The following THAP5 variants were observed in gnomAD, a reference collection of about 807,000 sequenced individuals.
THAP5 encodes the protein THAP domain-containing protein 5.
Under a neutral mutation model 34.0 loss-of-function variants are expected in THAP5, and 26 were observed. The observed-to-expected ratio is 0.77, with a 90% CI of 0.56 to 1.06. The LOEUF is 1.06. THAP5 is among the 50% of genes least tolerant of loss of function. THAP5 has a pLI of 0.00. For missense variants in THAP5, 394 were observed against 452.8 expected (o/e 0.87, Z 1.18); for synonymous variants, 125 against 153.0 (o/e 0.82, Z 1.35).
the THAP5 span, among the ~76,000 whole-genome samples, chr7:108,545,325 A>T: frequency 1.1e-4 from 16 of 152,352 alleles, no homozygotes; most frequent in Admixed American, 8.5e-4. Flanking sequence ...TAGTTCCCAG[A>T]ACAATTGTAA....
chr7:108,548,501 T>G, the THAP5 span, among the ~76,000 whole-genome samples: 173 of 152,294 alleles, frequency 1.1e-3, no homozygotes, highest in Non-Finnish European at 1.4e-3. Flanking sequence ...GCTTTCTAGA[T>G]AAAATAACGA....
At chr7:108,556,808 TG>T (rs1193956100) in intron 1 of THAP5, among the ~76,000 whole-genome samples, 1 of 152,262 alleles carries the variant, frequency 6.6e-6, no homozygotes, top group Non-Finnish European at 1.5e-5. Flanking sequence ...GTAGGGACTC[TG>T]TGTGGGGGCT....
At chr7:108,560,839 G>T (rs1222665209), downstream of THAP5, among the ~76,000 whole-genome samples, 1 of 152,098 alleles carries the variant, frequency 6.6e-6, no homozygotes. Context: ...CTAGGCTCAA[G>T]AGATCCTCCC....
rs1423074325 is a variant in THAP5 at position 108,563,102 on chromosome 7, T to C, written c.*1089A>G. 3 of 152,162 alleles carry C rather than the reference T, an allele frequency of 2.0e-5. No homozygotes were observed. Among genetic ancestry groups the C allele is most frequent in the African/African-American group, 7.2e-5 (3 of 41,420 alleles). The allele number at this position is 152,162 out of a possible 1,614,324, so 9.4% of individuals were successfully genotyped here. A position where few individuals can be genotyped will look rare whatever the true frequency, so the allele number is the denominator to read the frequency against. On this transcript the variant is annotated 3_prime_UTR_variant, in exon 3 of 3. Coordinates refer to ENST00000415914, the MANE Select transcript of THAP5 (RefSeq NM_001130475.3). ...AGTTTAACTGTATAAATACAGAAAG[T>C]TTAGCTTAGATGACTATGTATTTGA...
the THAP5 span, among the ~76,000 whole-genome samples, chr7:108,547,116 A>G: frequency 6.6e-6 from 1 of 152,214 alleles, no homozygotes; most frequent in South Asian, 2.1e-4. Flanking sequence ...GACATTTCTT[A>G]TTTAATGACA....
At chr7:108,544,053 C>T in the THAP5 span, among the ~76,000 whole-genome samples, 5,339 of 152,146 alleles carry the variant, frequency 0.035, 307 homozygotes, top group African/African-American at 0.12. Flanking sequence ...AAAACTAACA[C>T]AAGATCAAAA....
At chr7:108,553,990 A>G (rs185717996), downstream of THAP5, among the ~76,000 whole-genome samples, 335 of 152,308 alleles carry the variant, frequency 2.2e-3, 2 homozygotes, top group Middle Eastern at 0.01. Flanking sequence ...ACAATCCCCA[A>G]TAAGGGCAGA....
At chr7:108,569,392 G>T in intron 1 of THAP5, 98 bp downstream of exon 1, 1 of 1,539,696 alleles carries the variant, frequency 6.5e-7, no homozygotes, top group South Asian at 1.2e-5. Context: ...GAGAGCTGAG[G>T]ACTCACTGGC....
chr7:108,552,503 T>C (rs1229308434), downstream of THAP5, among the ~76,000 whole-genome samples: 3 of 152,172 alleles, frequency 2.0e-5, no homozygotes, highest in Non-Finnish European at 2.9e-5. Context: ...TTTTACCTTT[T>C]AAAAGTATCT....
At position 108,569,619 on chromosome 7, in the gene THAP5, GC is replaced by G. The variant is rs1790569349; in HGVS notation, c.-51del. 1 of 1,545,872 alleles carries G rather than the reference GC, an allele frequency of 6.5e-7. No homozygotes were observed. ...CGGGGCCGGCGACGGATGCAGGGCG[GC>G]CCTCCTCACTGAGGATGCGCCACAG... On this transcript the variant is annotated 5_prime_UTR_variant, in exon 1 of 3. Transcript: ENST00000415914.
downstream of THAP5, among the ~76,000 whole-genome samples, chr7:108,551,553 G>A (rs1864353774): frequency 6.6e-6 from 1 of 152,180 alleles, no homozygotes; most frequent in Non-Finnish European, 1.5e-5. Flanking sequence ...TTCTGTTATA[G>A]CAGTAGAAAA....
chr7:108,542,780 T>C, the THAP5 span, among the ~76,000 whole-genome samples: 2 of 152,084 alleles, frequency 1.3e-5, no homozygotes, highest in Non-Finnish European at 2.9e-5. Flanking sequence ...TTCTGTTTCA[T>C]ATGGCATTGA....
intron 1 of THAP5, among the ~76,000 whole-genome samples, chr7:108,566,519 T>C (rs1790491335): frequency 6.6e-6 from 1 of 152,216 alleles, no homozygotes; most frequent in Non-Finnish European, 1.5e-5. Flanking sequence ...TAAGATGTTA[T>C]TTCAAACAAA....
chr7:108,544,401 GGCGC>G, the THAP5 span, among the ~76,000 whole-genome samples: 1 of 151,706 alleles, frequency 6.6e-6, no homozygotes, highest in Non-Finnish European at 1.5e-5. Flanking sequence ...CATGGTGGCA[GGCGC>G]CTGTAATCCC....
rs40944 is a variant in THAP5, at chr7:108,565,356, C to G, written c.274-251G>C. On this transcript the variant is annotated intron_variant, in intron 2 of 2. Coordinates refer to ENST00000415914, the MANE Select transcript of THAP5 (RefSeq NM_001130475.3). ...CCAAGGCAGGCAGATCAACTGAGGTCAGGAGTTCAAGACCAGCCTGGCTAA... is the reference window on the plus strand; with the variant it reads ...CCAAGGCAGGCAGATCAACTGAGGTGAGGAGTTCAAGACCAGCCTGGCTAA... 247 of 284,462 alleles carry G rather than the reference C, an allele frequency of 8.7e-4. 3 individuals carry two copies. Among genetic ancestry groups the G allele is most frequent in the African/African-American group, 5.1e-3 (234 of 45,654 alleles). The allele number at this position is 284,462 out of a possible 1,614,324, so 17.6% of individuals were successfully genotyped here. A position where few individuals can be genotyped will look rare whatever the true frequency, so the allele number is the denominator to read the frequency against.
chr7:108,569,661 G>A lies in THAP5; in HGVS notation c.-92C>T. On this transcript the variant is annotated 5_prime_UTR_variant, in exon 1 of 3. Coordinates refer to ENST00000415914, the MANE Select transcript of THAP5 (RefSeq NM_001130475.3). ...TGCGCCACAGGTCCAGGCCTCTCGA[G>A]CCCCTGCGCCTGCGCTAGCATTCTG... The A allele has an allele frequency of 2.0e-6, 3 of 1,471,016 alleles. No homozygotes were observed. The highest frequency in any genetic ancestry group is 2.8e-6 in the Non-Finnish European group (3 of 1,088,812). The allele number at this position is 1,471,016 out of a possible 1,614,324, so 91.1% of individuals were successfully genotyped here. A position where few individuals can be genotyped will look rare whatever the true frequency, so the allele number is the denominator to read the frequency against.
At position 108,569,685 on chromosome 7, in the gene THAP5, T is replaced by C. The variant is rs890082150; in HGVS notation, c.-116A>G. The C allele has an allele frequency of 1.4e-6, 2 of 1,382,964 alleles. No individual in the cohort carries two copies. Among genetic ancestry groups the C allele is most frequent in the South Asian group, 1.3e-5 (1 of 79,370 alleles). The allele number at this position is 1,382,964 out of a possible 1,614,324, so 85.7% of individuals were successfully genotyped here. ...AGCCCCTGCGCCTGCGCTAGCATTC[T>C]GCCGGGAAAGCCGCCTCGTCTGTCG... On this transcript the variant is annotated 5_prime_UTR_variant, in exon 1 of 3. Coordinates refer to ENST00000415914, the MANE Select transcript of THAP5 (RefSeq NM_001130475.3).
chr7:108,544,233 A>G, the THAP5 span, among the ~76,000 whole-genome samples: 1 of 152,166 alleles, frequency 6.6e-6, no homozygotes, highest in Non-Finnish European at 1.5e-5. Context: ...TTCTAAATAA[A>G]GAAGGACATT....
chr7:108,568,827 GCC>G (rs1403335670), intron 1 of THAP5, among the ~76,000 whole-genome samples: 1 of 152,162 alleles, frequency 6.6e-6, no homozygotes, highest in Non-Finnish European at 1.5e-5. Flanking sequence ...TAGCATTGAA[GCC>G]TGGACCCCTA....
Sources: allele counts gnomAD v4.1 joint callset (sites outside exome capture counted in the v4.1 genomes callset), GRCh38; gene constraint gnomAD v4.1.1; transcripts MANE v1.5; gene names NCBI Gene and HGNC (gene_info 2026-07-23, HGNC 2026-07-21).